The following MEIS2 variants were observed in gnomAD, a reference collection of about 807,000 sequenced individuals.
The protein encoded by MEIS2 is Meis homeobox 2, also known as homeobox protein Meis2.
Under a neutral mutation model 58.6 loss-of-function variants are expected in MEIS2, and 9 were observed. The observed-to-expected ratio is 0.15, with a 90% CI of 0.09 to 0.27. The LOEUF (loss-of-function observed/expected upper bound fraction) is 0.27, where lower values mean the gene tolerates loss of function less well. Among genes scored for constraint, MEIS2 ranks in the 10% least tolerant of loss-of-function variants. MEIS2 has a pLI of 1.00. For missense variants in MEIS2, 427 were observed against 635.0 expected (o/e 0.67, Z 3.52); for synonymous variants, 221 against 228.4 (o/e 0.97, Z 0.29).
intron 8 of MEIS2, among the ~76,000 whole-genome samples, chr15:37,003,460 G>GT (rs959262943): frequency 2.0e-5 from 3 of 151,272 alleles, no homozygotes; most frequent in African/African-American, 7.3e-5. Context: ...GGAAGGCAAA[G>GT]TAAAAAAAAA....
chr15:37,036,640 C>T (rs1241761614), intron 8 of MEIS2, 174 bp downstream of exon 8: 2 of 579,814 alleles, frequency 3.4e-6, no homozygotes, highest in East Asian at 6.4e-5. Context: ...CTAGAGGGTG[C>T]TCTTTGGATG....
chr15:36,990,406 T>C (rs1434925751), intron 8 of MEIS2, among the ~76,000 whole-genome samples: 1 of 152,146 alleles, frequency 6.6e-6, no homozygotes, highest in Non-Finnish European at 1.5e-5. Context: ...AGTGTGGAAA[T>C]TATAAATTTG....
At chr15:36,916,684 C>T (rs375428338) in intron 9 of MEIS2, among the ~76,000 whole-genome samples, 2 of 152,284 alleles carry the variant, frequency 1.3e-5, no homozygotes, top group Admixed American at 6.5e-5. Flanking sequence ...CCTCCCACTT[C>T]AGCCTCTCAA....
At chr15:37,037,044 T>C (rs1399972926) in intron 7 of MEIS2, 85 bp from the exon 8 acceptor site, 1 of 1,310,108 alleles carries the variant, frequency 7.6e-7, no homozygotes, top group East Asian at 2.5e-5. Context: ...TCAGCTAAGC[T>C]TGTTGAAAGA....
At chr15:37,016,835 T>C (rs1289568758) in intron 8 of MEIS2, among the ~76,000 whole-genome samples, 1 of 152,176 alleles carries the variant, frequency 6.6e-6, no homozygotes, top group African/African-American at 2.4e-5. Flanking sequence ...AATGAAACAC[T>C]GAAACAAATT....
intron 8 of MEIS2, among the ~76,000 whole-genome samples, chr15:36,984,155 G>T (rs1028668017): frequency 6.6e-6 from 1 of 151,582 alleles, no homozygotes; most frequent in Non-Finnish European, 1.5e-5. Context: ...TTGCCTAATT[G>T]CTCTGGCTAA....
intron 7 of MEIS2, among the ~76,000 whole-genome samples, chr15:37,055,006 T>C (rs1203733723): frequency 6.6e-6 from 1 of 152,180 alleles, no homozygotes; most frequent in Non-Finnish European, 1.5e-5. Flanking sequence ...CATCATCCTA[T>C]GAGAGTTGAC....
intron 9 of MEIS2, 75 bp from the exon 10 acceptor site, chr15:36,896,761 G>A (rs1425710320): frequency 6.9e-6 from 8 of 1,154,090 alleles, no homozygotes; most frequent in Non-Finnish European, 1.0e-5. Context: ...TGAATGCTGA[G>A]GAGCACAAAA....
intron 9 of MEIS2, among the ~76,000 whole-genome samples, chr15:36,934,572 T>C (rs1262574277): frequency 6.6e-6 from 1 of 152,236 alleles, no homozygotes; most frequent in East Asian, 1.9e-4. Flanking sequence ...TTTCCACTTA[T>C]CTTACATTCC....
At chr15:36,905,141 C>T (rs2056667885) in intron 9 of MEIS2, among the ~76,000 whole-genome samples, 2 of 152,046 alleles carry the variant, frequency 1.3e-5, no homozygotes, top group Admixed American at 1.3e-4. Flanking sequence ...TTCTGTGCTG[C>T]TGCTGAAGTA....
intron 8 of MEIS2, among the ~76,000 whole-genome samples, chr15:36,951,908 C>G (rs2058761257): frequency 1.3e-5 from 2 of 152,086 alleles, no homozygotes; most frequent in Admixed American, 1.3e-4. Flanking sequence ...TCAAAAACCA[C>G]TAATGGTCTT....
intron 9 of MEIS2, among the ~76,000 whole-genome samples, chr15:36,913,169 G>T (rs990630037): frequency 6.6e-6 from 1 of 152,178 alleles, no homozygotes; most frequent in Non-Finnish European, 1.5e-5. Flanking sequence ...ATCCAACTCA[G>T]ACTTACTCGG....
At chr15:36,999,807 C>A (rs1208755613) in intron 8 of MEIS2, among the ~76,000 whole-genome samples, 1 of 152,204 alleles carries the variant, frequency 6.6e-6, no homozygotes, top group Non-Finnish European at 1.5e-5. Flanking sequence ...CTTGGCACTG[C>A]ATTTCACACT....
At chr15:36,999,372 T>C (rs973080653) in intron 8 of MEIS2, among the ~76,000 whole-genome samples, 2 of 152,188 alleles carry the variant, frequency 1.3e-5, no homozygotes, top group Non-Finnish European at 2.9e-5. Flanking sequence ...CCATGCTGAC[T>C]CTTAGTGATC....
Position 36,891,929 on chromosome 15 carries a change from A to T in MEIS2, c.*244T>A, listed in dbSNP as rs2055881028. The T allele has an allele frequency of 1.8e-6, 1 of 567,120 alleles. No individual in the cohort carries two copies. Among genetic ancestry groups the T allele is most frequent in the Non-Finnish European group, 3.1e-6 (1 of 321,232 alleles). The allele number at this position is 567,120 out of a possible 1,614,324, so 35.1% of individuals were successfully genotyped here. A position where few individuals can be genotyped will look rare whatever the true frequency, so the allele number is the denominator to read the frequency against. On this transcript the variant is annotated 3_prime_UTR_variant, in exon 12 of 12. Transcript: ENST00000561208. ...TTAGTTCCTATATTTATACTACAGT[A>T]GTTATAACTCTCGGAGTCTTTTTCC... is the stretch of plus-strand genomic sequence containing the variant.
At chr15:37,022,766 C>T (rs1399165457) in intron 8 of MEIS2, among the ~76,000 whole-genome samples, 1 of 152,182 alleles carries the variant, frequency 6.6e-6, no homozygotes, top group South Asian at 2.1e-4. Context: ...AAGCAATTCT[C>T]CTGCCTCAGC....
chr15:36,979,678 A>G (rs949479770), intron 8 of MEIS2, among the ~76,000 whole-genome samples: 69 of 147,870 alleles, frequency 4.7e-4, no homozygotes, highest in African/African-American at 1.7e-3. Context: ...ATACATTTCC[A>G]TTATTATATA....
At chr15:36,970,279 C>T (rs2059498043) in intron 8 of MEIS2, among the ~76,000 whole-genome samples, 1 of 151,944 alleles carries the variant, frequency 6.6e-6, no homozygotes, top group Non-Finnish European at 1.5e-5. Context: ...TGGCGGGCGC[C>T]TGTAGTCCCA....
In MEIS2 at chr15:37,086,143, T is replaced by C. The variant is rs559156599; in HGVS notation, c.640-2258A>G. On this transcript the variant is annotated intron_variant, in intron 6 of 11. Transcript: ENST00000561208. ...TAAGCTGGCTGCTATAAAAGCTCCT[T>C]ACCCCTCATGAAAATTATAATAATT... 1.2e-4 allele frequency among the ~76,000 whole-genome samples: 19 copies of C among 152,316 alleles called. No homozygotes were observed. In the East Asian group the frequency reaches 3.7e-3, roughly 29 times the overall value.
Sources: allele counts gnomAD v4.1 joint callset (sites outside exome capture counted in the v4.1 genomes callset), GRCh38; gene constraint gnomAD v4.1.1; transcripts MANE v1.5; gene names NCBI Gene and HGNC (gene_info 2026-07-23, HGNC 2026-07-21).